TTC7B: variants seen among roughly 807,000 people sequenced by gnomAD.
The protein encoded by TTC7B is tetratricopeptide repeat protein 7B.
In TTC7B, 28 loss-of-function variants were observed where a neutral mutation model predicts 106.8. That is an observed-to-expected ratio of 0.26 (90% CI 0.19 to 0.36). The LOEUF is 0.36. Among genes scored for constraint, TTC7B ranks in the 10% least tolerant of loss-of-function variants. TTC7B has a pLI of 1.00. For missense variants in TTC7B, 862 were observed against 1,076.4 expected (o/e 0.80, Z 2.79); for synonymous variants, 405 against 430.6 (o/e 0.94, Z 0.74).
chr14:90,815,597 G>A (rs927804707), intron 1 of TTC7B, among the ~76,000 whole-genome samples: 1 of 151,674 alleles, frequency 6.6e-6, no homozygotes, highest in African/African-American at 2.4e-5. Flanking sequence ...TTCTCCGAAC[G>A]CCAGGACGCA....
rs1891228625 is a variant in TTC7B, at chr14:90,575,556, A to G, written c.2310+2550T>C. On this transcript the variant is annotated intron_variant, in intron 19 of 19. Transcript: ENST00000328459. The surrounding 1 kb of genome is among the most constrained non-coding windows in gnomAD (Gnocchi z 5.2). ...TGTGGGGTCCATGGGCTGCCCCTCC[A>G]CAGGCACCAGAGGGTCCTGCAGCAC... Among the ~76,000 whole-genome samples the G allele has an allele frequency of 6.6e-6, 1 of 152,152 alleles. No homozygotes were observed. The highest frequency in any genetic ancestry group is 6.5e-5 in the Admixed American group (1 of 15,282).
chr14:90,573,537 TCACGGTCCCTCTCC>T, intron 19 of TTC7B, among the ~76,000 whole-genome samples: 1 of 83,056 alleles, frequency 1.2e-5, no homozygotes, highest in Non-Finnish European at 2.5e-5. Context: ...CTCTCTCAGC[TCACGGTCCCTCTCC>T]GGCTCACGGT....
chr14:90,596,755 C>T (rs564998492), intron 17 of TTC7B, among the ~76,000 whole-genome samples: 10 of 152,282 alleles, frequency 6.6e-5, no homozygotes, highest in Admixed American at 3.9e-4. Context: ...CTAGAAGATG[C>T]GAACTACGTC....
At chr14:90,745,287 C>T (rs1595343591) in intron 3 of TTC7B, among the ~76,000 whole-genome samples, 1 of 111,004 alleles carries the variant, frequency 9.0e-6, no homozygotes, top group African/African-American at 3.7e-5. Flanking sequence ...TAGATGGAGA[C>T]CCTGTCTCCC....
At position 90,575,070 on chromosome 14, in the gene TTC7B, G is replaced by C. The variant is rs77802932; in HGVS notation, c.2310+3036C>G. ...CTCAGCTCTGTTTCCGCCACTCTCC[G>C]CCACACAGGTCGGGGCCCTGCCTCC... On this transcript the variant is annotated intron_variant, in intron 19 of 19. Coordinates refer to ENST00000328459, the MANE Select transcript of TTC7B (RefSeq NM_001010854.2). This position sits in a 1 kb window ranked among gnomAD's most constrained non-coding sequence, Gnocchi z 5.2. Among the ~76,000 whole-genome samples the C allele has an allele frequency of 7.2e-3, 1,090 of 152,206 alleles. 14 individuals carry two copies. Among genetic ancestry groups the C allele is most frequent in the African/African-American group, 0.025 (1,034 of 41,532 alleles).
chr14:90,621,848 T>G (rs1044651587), intron 15 of TTC7B, among the ~76,000 whole-genome samples: 1 of 152,174 alleles, frequency 6.6e-6, no homozygotes, highest in Non-Finnish European at 1.5e-5. Flanking sequence ...TTCAAGACTG[T>G]TCAAAAACAT....
chr14:90,582,442 A>G (rs1235086367), intron 18 of TTC7B, among the ~76,000 whole-genome samples: 1 of 152,254 alleles, frequency 6.6e-6, no homozygotes, highest in Non-Finnish European at 1.5e-5. Flanking sequence ...CAGGAGTGGC[A>G]GGGATCAAGA....
At chr14:90,700,589 T>C (rs61989869) in intron 5 of TTC7B, among the ~76,000 whole-genome samples, 2,188 of 151,858 alleles carry the variant, frequency 0.014, 28 homozygotes, top group South Asian at 0.02. Context: ...ATCTCCTTGC[T>C]GAAAAGAGTT....
intron 3 of TTC7B, among the ~76,000 whole-genome samples, chr14:90,755,672 AAAAC>A (rs1204471299): frequency 6.6e-6 from 1 of 152,086 alleles, no homozygotes; most frequent in Non-Finnish European, 1.5e-5. Context: ...AAAAAACAAA[AAAAC>A]AAACAAACAA....
rs914034195 is a variant in TTC7B, at chr14:90,528,810, C to G, written c.*12558G>C. ...GGTTGTTTCTGGTGGTGTGACCCAA[C>G]TGCACTTTGTTACCTGTTTCTGATG... On this transcript the variant is annotated 3_prime_UTR_variant, in exon 20 of 20. Transcript: ENST00000328459. 1.3e-5 allele frequency: 2 copies of G among 152,236 alleles called. No individual in the cohort carries two copies. The highest frequency in any genetic ancestry group is 2.9e-5 in the Non-Finnish European group (2 of 68,700). The allele number at this position is 152,236 out of a possible 1,614,324, so 9.4% of individuals were successfully genotyped here.
chr14:90,701,634 T>C (rs1887988207), intron 5 of TTC7B, among the ~76,000 whole-genome samples: 1 of 151,608 alleles, frequency 6.6e-6, no homozygotes. Flanking sequence ...CTCACATCCT[T>C]CCTTTCAACC....
intron 6 of TTC7B, among the ~76,000 whole-genome samples, chr14:90,694,394 G>A (rs1887593354): frequency 6.6e-6 from 1 of 152,012 alleles, no homozygotes; most frequent in African/African-American, 2.4e-5. Flanking sequence ...AGTTTCTTTT[G>A]GGGGTGATTA....
At position 90,716,846 on chromosome 14, in the gene TTC7B, C is replaced by T. The variant is rs1888675080; in HGVS notation, c.698+13229G>A. 3.3e-5 allele frequency among the ~76,000 whole-genome samples: 5 copies of T among 152,246 alleles called. No individual in the cohort carries two copies. The South Asian group carries it at 1.0e-3, about 32-fold the overall frequency. ...AGATTCAGAGGAGAACCAGCTACCACAACCATCAGTCAGCCAGAACAGAGA... is the reference window on the plus strand; with the variant it reads ...AGATTCAGAGGAGAACCAGCTACCATAACCATCAGTCAGCCAGAACAGAGA... On this transcript the variant is annotated intron_variant, in intron 5 of 19. Transcript: ENST00000328459.
At position 90,578,187 on chromosome 14, in the gene TTC7B, C is replaced by T; in HGVS notation, c.2229G>A (p.Arg743=). ...ACCGCCGCGCCTCGTCCATGCTTCC[C>T]CGGAGCTCAGCAATCTGGCCGCGCA... is the stretch of plus-strand genomic sequence containing the variant. ...LYMRGQIAEL[R]GSMDEARRWY... The change falls in exon 19 of 20, where the codon CGG becomes CGA. Residue 743 remains arginine, a synonymous_variant. Transcript: ENST00000328459. This position sits in a 1 kb window ranked among gnomAD's most constrained non-coding sequence, Gnocchi z 4.7. 1 of 1,614,088 alleles carries T rather than the reference C, an allele frequency of 6.2e-7. No homozygotes were observed. Among genetic ancestry groups the T allele is most frequent in the Non-Finnish European group, 8.5e-7 (1 of 1,180,006 alleles).
intron 3 of TTC7B, among the ~76,000 whole-genome samples, chr14:90,768,491 A>C (rs982068740): frequency 6.6e-6 from 1 of 152,212 alleles, no homozygotes; most frequent in East Asian, 1.9e-4. Flanking sequence ...CCCTCCCTTG[A>C]TACATGGGGA....
intron 5 of TTC7B, among the ~76,000 whole-genome samples, chr14:90,721,634 C>T (rs1232365838): frequency 1.3e-5 from 2 of 152,074 alleles, no homozygotes; most frequent in Non-Finnish European, 2.9e-5. Flanking sequence ...ACTCCATTTT[C>T]AAGAAGGTAC....
At chr14:90,761,972 G>T (rs1293536838) in intron 3 of TTC7B, among the ~76,000 whole-genome samples, 1 of 152,274 alleles carries the variant, frequency 6.6e-6, no homozygotes, top group East Asian at 1.9e-4. Flanking sequence ...CAAATAAAGG[G>T]AATTGAATGT....
intron 7 of TTC7B, among the ~76,000 whole-genome samples, chr14:90,682,411 C>G (rs866219351): frequency 2.0e-5 from 3 of 152,096 alleles, no homozygotes; most frequent in Admixed American, 6.5e-5. Flanking sequence ...CCAGCAGGAG[C>G]CGGGGGAGAA....
intron 13 of TTC7B, among the ~76,000 whole-genome samples, chr14:90,650,086 C>T (rs1256545917): frequency 2.6e-5 from 4 of 152,196 alleles, no homozygotes; most frequent in Non-Finnish European, 5.9e-5. Flanking sequence ...GATTCCATTT[C>T]CAACATTCTC....
Sources: gnomAD v4.1 joint callset for allele counts (sites outside exome capture counted in the v4.1 genomes callset) on GRCh38, gnomAD v4.1.1 for gene constraint, Gnocchi (gnomAD v3.1) non-coding constraint, MANE v1.5 for transcripts, NCBI Gene and HGNC (gene_info 2026-07-23, HGNC 2026-07-21) for gene names.